SERGEF: variants seen among roughly 807,000 people sequenced by gnomAD.
SERGEF encodes secretion regulating guanine nucleotide exchange factor.
Under a neutral mutation model 50.0 loss-of-function variants are expected in SERGEF, and 51 were observed. That is an observed-to-expected ratio of 1.02 (90% CI 0.81 to 1.29). The LOEUF (loss-of-function observed/expected upper bound fraction) is 1.29, where lower values mean the gene tolerates loss of function less well. SERGEF is among the 50% of genes most tolerant of loss of function. The pLI is 0.00. For synonymous variants in SERGEF, 205 were observed against 212.4 expected (o/e 0.97, Z 0.30); for missense variants, 521 against 557.0 (o/e 0.94, Z 0.65).
intron 3 of SERGEF, among the ~76,000 whole-genome samples, chr11:18,006,319 G>C (rs952468325): frequency 6.6e-6 from 1 of 152,054 alleles, no homozygotes; most frequent in South Asian, 2.1e-4. Flanking sequence ...GGGACTATAG[G>C]CATGGGGTAC....
At chr11:17,941,843 A>G (rs1852567903) in intron 9 of SERGEF, among the ~76,000 whole-genome samples, 1 of 152,104 alleles carries the variant, frequency 6.6e-6, no homozygotes, top group African/African-American at 2.4e-5. Flanking sequence ...GTTGGGTGGT[A>G]TCTCATTGTG....
At chr11:17,799,366 T>C (rs1394527929) in intron 10 of SERGEF, among the ~76,000 whole-genome samples, 1 of 152,238 alleles carries the variant, frequency 6.6e-6, no homozygotes, top group Non-Finnish European at 1.5e-5. Context: ...CTTGTTCTCC[T>C]ATCTCTTACC....
chr11:17,821,226 CATAAATATGAGAGA>C (rs1236014850), intron 10 of SERGEF, among the ~76,000 whole-genome samples: 1 of 152,144 alleles, frequency 6.6e-6, no homozygotes, highest in Middle Eastern at 3.2e-3. Flanking sequence ...GAAGTGAGAG[CATAAATATGAGAGA>C]ATAAATTCCT....
Position 17,801,585 on chromosome 11 carries a change from T to C in SERGEF, c.1049-13172A>G, listed in dbSNP as rs190851117. On this transcript the variant is annotated intron_variant, in intron 10 of 10. Coordinates refer to ENST00000265965, the MANE Select transcript of SERGEF (RefSeq NM_012139.4). ...GAGCAATGAGTGGATGGTAGTGCTA[T>C]TTATGAAGTTGAGGAGGCCTGGAGG... Among the ~76,000 whole-genome samples the C allele has an allele frequency of 1.8e-4, 28 of 152,310 alleles. No homozygotes were observed. The East Asian group carries it at 5.0e-3, about 27-fold the overall frequency.
chr11:17,913,146 A>T (rs1414555177), intron 9 of SERGEF, among the ~76,000 whole-genome samples: 1 of 152,082 alleles, frequency 6.6e-6, no homozygotes, highest in African/African-American at 2.4e-5. Context: ...GACCCTGGGG[A>T]TGCACTGGCT....
Position 17,907,359 on chromosome 11 carries a change from G to A in SERGEF, c.1012-29115C>T, listed in dbSNP as rs73426284. Among the ~76,000 whole-genome samples the A allele has an allele frequency of 7.3e-3, 1,107 of 152,234 alleles. 7 individuals carry two copies. The highest frequency in any genetic ancestry group is 0.021 in the African/African-American group (893 of 41,544). On this transcript the variant is annotated intron_variant, in intron 9 of 10. Transcript: ENST00000265965. ...GATAAACTCTACAGTGCCTTCTGATGCTAATGCTCTATTCTATTCCATAAA... is the reference window on the plus strand; with the variant it reads ...GATAAACTCTACAGTGCCTTCTGATACTAATGCTCTATTCTATTCCATAAA...
intron 10 of SERGEF, among the ~76,000 whole-genome samples, chr11:17,844,924 A>AC (rs1373597924): frequency 2.0e-5 from 3 of 150,468 alleles, no homozygotes; most frequent in Non-Finnish European, 4.4e-5. Flanking sequence ...AAAACAAACA[A>AC]ACAAAAAAAA....
At chr11:17,975,686 G>A (rs181434694) in intron 8 of SERGEF, among the ~76,000 whole-genome samples, 20 of 152,002 alleles carry the variant, frequency 1.3e-4, no homozygotes, top group Admixed American at 3.3e-4. Context: ...AGAGCACCCC[G>A]AGTCAGGGTC....
At chr11:17,832,604 A>G (rs1850329047) in intron 10 of SERGEF, among the ~76,000 whole-genome samples, 1 of 152,218 alleles carries the variant, frequency 6.6e-6, no homozygotes, top group Non-Finnish European at 1.5e-5. Flanking sequence ...TCAGAAGAAG[A>G]CAGGAAAATG....
chr11:17,820,344 G>A (rs888057073), intron 10 of SERGEF, among the ~76,000 whole-genome samples: 6 of 152,078 alleles, frequency 3.9e-5, no homozygotes, highest in Non-Finnish European at 7.3e-5. Flanking sequence ...ATACTGCCTG[G>A]TAATAGCTAG....
At chr11:17,992,500 T>A (rs1853735936) in intron 7 of SERGEF, among the ~76,000 whole-genome samples, 1 of 152,210 alleles carries the variant, frequency 6.6e-6, no homozygotes, top group African/African-American at 2.4e-5. Context: ...TCTACCCTCA[T>A]AATCGTAGGT....
At chr11:17,878,554 G>T (rs1044457909) in intron 9 of SERGEF, among the ~76,000 whole-genome samples, 1 of 152,248 alleles carries the variant, frequency 6.6e-6, no homozygotes, top group South Asian at 2.1e-4. Flanking sequence ...TTTCTAAAAT[G>T]AGCATATGTT....
chr11:17,816,148 G>C (rs1849971207), intron 10 of SERGEF, among the ~76,000 whole-genome samples: 1 of 152,120 alleles, frequency 6.6e-6, no homozygotes, highest in Non-Finnish European at 1.5e-5. Context: ...CCCTCATTCT[G>C]CCTCTTCCAG....
At chr11:17,905,372 G>GA (rs1851819995) in intron 9 of SERGEF, among the ~76,000 whole-genome samples, 1 of 152,210 alleles carries the variant, frequency 6.6e-6, no homozygotes, top group Non-Finnish European at 1.5e-5. Flanking sequence ...CAATGGCCTG[G>GA]GTTCTTGACA....
Position 18,012,946 on chromosome 11 carries a change from C to A in SERGEF, c.60+5G>T, listed in dbSNP as rs775666888. The A allele has an allele frequency of 2.0e-6, 3 of 1,504,002 alleles. No homozygotes were observed. Among genetic ancestry groups the A allele is most frequent in the Non-Finnish European group, 1.8e-6 (2 of 1,135,614 alleles). 93.2% of individuals were successfully genotyped at this position (1,504,002 alleles called of 1,614,324 possible). A position where few individuals can be genotyped will look rare whatever the true frequency, so the allele number is the denominator to read the frequency against. ...CTGCACCGGCCCGGGGGCGGAGTCA[C>A]GTACCCAGGCGAAGAGCGCGGCCGC... On this transcript the variant is annotated splice_donor_5th_base_variant and intron_variant, in intron 1 of 10. Transcript: ENST00000265965.
At chr11:17,994,025 TAAC>T (rs1269752669) in intron 6 of SERGEF, among the ~76,000 whole-genome samples, 1 of 152,190 alleles carries the variant, frequency 6.6e-6, no homozygotes, top group African/African-American at 2.4e-5. Flanking sequence ...TTCCCTCTAA[TAAC>T]AGGTCCTGTG....
intron 7 of SERGEF, among the ~76,000 whole-genome samples, chr11:17,990,299 T>C (rs770991291): frequency 9.2e-5 from 14 of 152,180 alleles, no homozygotes; most frequent in Non-Finnish European, 1.6e-4. Context: ...AACTCCAAAA[T>C]GAGGGAGTAT....
At chr11:17,988,321 T>G (rs1853641096) in intron 8 of SERGEF, among the ~76,000 whole-genome samples, 1 of 152,228 alleles carries the variant, frequency 6.6e-6, no homozygotes, top group South Asian at 2.1e-4. Flanking sequence ...AATTTCTGGA[T>G]GACGCTTGCT....
At chr11:17,908,022 T>C (rs1851882427) in intron 9 of SERGEF, among the ~76,000 whole-genome samples, 1 of 152,202 alleles carries the variant, frequency 6.6e-6, no homozygotes, top group African/African-American at 2.4e-5. Flanking sequence ...GCCATAACCT[T>C]AGTTCAAGTT....
Sources: allele counts gnomAD v4.1 joint callset (sites outside exome capture counted in the v4.1 genomes callset), GRCh38; gene constraint gnomAD v4.1.1; transcripts MANE v1.5; gene names NCBI Gene and HGNC (gene_info 2026-07-23, HGNC 2026-07-21).